CDKL2: variants seen among roughly 807,000 people sequenced by gnomAD.
The protein encoded by CDKL2 is cyclin dependent kinase like 2, also known as cyclin-dependent kinase-like 2.
A neutral mutation model predicts 63.9 loss-of-function variants in CDKL2; 64 were observed. The ratio of observed to expected loss-of-function variants is 1.00; its 90% CI spans 0.82 to 1.23. The LOEUF (loss-of-function observed/expected upper bound fraction) is 1.23. Ranked by LOEUF, CDKL2 falls within the 50% of genes most tolerant of loss-of-function variation. The pLI is 0.00. For synonymous variants in CDKL2, 211 were observed against 229.2 expected (o/e 0.92, Z 0.72); for missense variants, 656 against 668.0 (o/e 0.98, Z 0.20).
rs1316519564 is a variant in CDKL2, at chr4:75,577,869, T to A, written c.*1333A>T. On this transcript the variant is annotated 3_prime_UTR_variant, in exon 14 of 14. Transcript: ENST00000307465. ...ATGTCCTACTCTTTTGAGGCTTAAA[T>A]ATCCAAGGTCAGAATTTCAGTATTA... is the stretch of plus-strand genomic sequence containing the variant. 2 of 152,498 alleles carry A rather than the reference T, an allele frequency of 1.3e-5. No homozygotes were observed. Among genetic ancestry groups the A allele is most frequent in the Non-Finnish European group, 2.9e-5 (2 of 68,024 alleles). The allele number at this position is 152,498 out of a possible 1,614,324, so 9.4% of individuals were successfully genotyped here.
chr4:75,592,322 G>T (rs1560575783), intron 10 of CDKL2, 53 bp from the exon 11 acceptor site: 1 of 1,435,484 alleles, frequency 7.0e-7, no homozygotes. Flanking sequence ...GGTTAGCTAG[G>T]CTTTCCTTCT....
At chr4:75,598,662 A>C (rs535932542) in intron 7 of CDKL2, among the ~76,000 whole-genome samples, 11 of 152,100 alleles carry the variant, frequency 7.2e-5, no homozygotes, top group African/African-American at 2.4e-4. Flanking sequence ...GACTTCATTA[A>C]AGCCAAACTC....
intron 12 of CDKL2, among the ~76,000 whole-genome samples, chr4:75,588,052 T>C (rs1728553123): frequency 6.6e-6 from 1 of 150,722 alleles, no homozygotes; most frequent in Non-Finnish European, 1.5e-5. Context: ...CCTTCTCTAC[T>C]AAAAATACAA....
rs1364557895 is a variant in CDKL2 at position 75,605,608 on chromosome 4, C to T, written c.569G>A (p.Cys190Tyr). 1.2e-6 allele frequency: 2 copies of T among 1,613,446 alleles called. No individual in the cohort carries two copies. The highest frequency in any genetic ancestry group is 2.2e-5 in the East Asian group (1 of 44,874). The change falls in exon 5 of 14, where the codon TGT (cysteine) becomes TAT (tyrosine). Residue 190 changes from cysteine to tyrosine, a missense_variant. Physicochemically the swap from Cys to Tyr is radical, Grantham distance 194 (BLOSUM62 -2). Coordinates refer to ENST00000307465, the MANE Select transcript of CDKL2 (RefSeq NM_001330724.2). ...CCCCATGAACATTTCAGTTACCAGA[C>T]AACCAATGGCCCACACATCAACAGC... The part of the protein sequence containing the change: ...GKAVDVWAIG[C>Y]LVTEMFMGEP...
intron 1 of CDKL2, among the ~76,000 whole-genome samples, chr4:75,627,771 T>C (rs1339458176): frequency 1.5e-5 from 2 of 129,744 alleles, no homozygotes; most frequent in Admixed American, 9.9e-5. Flanking sequence ...TCTCGTGCAC[T>C]GGCGCGATCT....
chr4:75,584,084 GAATA>G (rs930848363), intron 12 of CDKL2, among the ~76,000 whole-genome samples: 8 of 152,274 alleles, frequency 5.3e-5, no homozygotes, highest in African/African-American at 1.7e-4. Context: ...TTTGTGCATG[GAATA>G]AATGTTACTA....
intron 5 of CDKL2, 60 bp from the exon 6 acceptor site, chr4:75,604,016 G>C: frequency 1.3e-6 from 2 of 1,493,300 alleles, no homozygotes; most frequent in South Asian, 2.5e-5. Flanking sequence ...ATGGTGAAGA[G>C]ACAGGTGGTG....
At chr4:75,593,374 T>C (rs1728788846) in intron 10 of CDKL2, among the ~76,000 whole-genome samples, 1 of 151,942 alleles carries the variant, frequency 6.6e-6, no homozygotes, top group African/African-American at 2.4e-5. Context: ...GCATAAAGCA[T>C]GGGAGAGAGG....
At chr4:75,615,530 T>C (rs1458944688) in intron 2 of CDKL2, among the ~76,000 whole-genome samples, 1 of 152,158 alleles carries the variant, frequency 6.6e-6, no homozygotes, top group Non-Finnish European at 1.5e-5. Flanking sequence ...CAAACTGTCA[T>C]TCAAGTAAAA....
rs1171952970 is a variant in CDKL2, at chr4:75,591,826, A to G, written c.1640T>C (p.Leu547Ser). The change falls in exon 12 of 14, where the codon TTA (leucine) becomes TCA (serine). Residue 547 changes from leucine to serine, a missense_variant. Physicochemically the swap from Leu to Ser is moderately radical, Grantham distance 145. Transcript: ENST00000307465. ...TAAAGAGTATTTCTGTACCTGATGT[A>G]ATGTAATACTGGGGGTGTGCAGGTC... ...AIDLHTPSIT[L>S]HQVSGPPLSD... is the part of the protein sequence containing the mutation. 3 of 1,531,568 alleles carry G rather than the reference A, an allele frequency of 2.0e-6. No individual in the cohort carries two copies. Among genetic ancestry groups the G allele is most frequent in the Non-Finnish European group, 2.6e-6 (3 of 1,143,086 alleles). 94.9% of individuals were successfully genotyped at this position (1,531,568 alleles called of 1,614,324 possible).
In CDKL2 at chr4:75,577,382, T is replaced by C. The variant is rs1728067786; in HGVS notation, c.*1820A>G. On this transcript the variant is annotated 3_prime_UTR_variant, in exon 14 of 14. Transcript: ENST00000307465. Reference sequence around the variant, plus strand: ...TAGTTCTGCCACAGTTCTAATCAGATATGATCCTCAAGTCATAACTTGGAC... The same window carrying C: ...TAGTTCTGCCACAGTTCTAATCAGACATGATCCTCAAGTCATAACTTGGAC... Among the ~76,000 whole-genome samples the C allele has an allele frequency of 6.6e-6, 1 of 152,226 alleles. No homozygotes were observed. Among genetic ancestry groups the C allele is most frequent in the Admixed American group, 6.5e-5 (1 of 15,274 alleles).
chr4:75,603,250 T>C (rs1318250822), intron 6 of CDKL2, among the ~76,000 whole-genome samples: 43 of 150,034 alleles, frequency 2.9e-4, no homozygotes, highest in African/African-American at 1.0e-3. Context: ...TCCACCCGCC[T>C]CGGCCTCCCA....
intron 7 of CDKL2, 87 bp downstream of exon 7, chr4:75,600,194 G>A: frequency 2.4e-6 from 2 of 831,778 alleles, no homozygotes; most frequent in African/African-American, 1.7e-5. Flanking sequence ...GGTGGGAACA[G>A]AAATAAGAGA....
intron 2 of CDKL2, among the ~76,000 whole-genome samples, chr4:75,624,317 C>T (rs187505699): frequency 5.3e-5 from 8 of 150,280 alleles, no homozygotes; most frequent in Admixed American, 5.3e-4. Flanking sequence ...TTTGAAAGGC[C>T]GAGGTAGGAG....
At chr4:75,580,492 C>T (rs1473226115) in intron 13 of CDKL2, among the ~76,000 whole-genome samples, 3 of 151,478 alleles carry the variant, frequency 2.0e-5, no homozygotes, top group African/African-American at 7.3e-5. Flanking sequence ...ATGGTGAAAC[C>T]CCATCTCTAC....
At chr4:75,598,036 A>G (rs769934187) in intron 8 of CDKL2, 41 bp downstream of exon 8, 2 of 1,263,224 alleles carry the variant, frequency 1.6e-6, no homozygotes, top group Non-Finnish European at 2.1e-6. Context: ...ATTTAAAAAA[A>G]TAAGTATATT....
At chr4:75,595,686 C>T (rs1437048771) in intron 10 of CDKL2, among the ~76,000 whole-genome samples, 1 of 151,802 alleles carries the variant, frequency 6.6e-6, no homozygotes, top group African/African-American at 2.4e-5. Context: ...AATCCCAGCA[C>T]TTTGGGAGGC....
At chr4:75,579,669 T>C (rs1259473019) in intron 13 of CDKL2, among the ~76,000 whole-genome samples, 1 of 151,952 alleles carries the variant, frequency 6.6e-6, no homozygotes, top group Non-Finnish European at 1.5e-5. Flanking sequence ...AGAGCGAAAC[T>C]CCGTCTCAAA....
chr4:75,591,793 C>T (rs1208063432), intron 12 of CDKL2, 26 bp downstream of exon 12: 8 of 1,447,090 alleles, frequency 5.5e-6, no homozygotes, highest in Non-Finnish European at 7.5e-6. Context: ...CGAGTTCTGT[C>T]CATCCTATAA....
Sources: gnomAD v4.1 joint callset for allele counts (sites outside exome capture counted in the v4.1 genomes callset) on GRCh38, gnomAD v4.1.1 for gene constraint, MANE v1.5 for transcripts, NCBI Gene and HGNC (gene_info 2026-07-23, HGNC 2026-07-21) for gene names.